The following BCAT1 variants were observed in gnomAD, a reference collection of about 807,000 sequenced individuals.
BCAT1 encodes the protein branched-chain-amino-acid aminotransferase, cytosolic.
BCAT1 carries 48 observed loss-of-function variants against 52.4 expected under a neutral mutation model. The ratio of observed to expected loss-of-function variants is 0.92; its 90% confidence interval spans 0.73 to 1.16. The LOEUF is 1.16. Ranked by LOEUF, BCAT1 falls within the 50% of genes most tolerant of loss-of-function variation. The probability of loss-of-function intolerance (pLI) is 0.00; values close to 1 mark genes in which losing one functional copy is unlikely to be tolerated. For synonymous variants in BCAT1, 167 were observed against 161.3 expected (o/e 1.04, Z -0.27); for missense variants, 451 against 457.1 (o/e 0.99, Z 0.12).
At chr12:24,818,273 T>TA (rs1465582974) in intron 10 of BCAT1, among the ~76,000 whole-genome samples, 1 of 152,174 alleles carries the variant, frequency 6.6e-6, no homozygotes, top group African/African-American at 2.4e-5. Flanking sequence ...GGGAGTTTTT[T>TA]AAAAACCAAA....
At chr12:24,856,628 C>T (rs115246169) in intron 5 of BCAT1, among the ~76,000 whole-genome samples, 2,033 of 152,016 alleles carry the variant, frequency 0.013, 37 homozygotes, top group African/African-American at 0.045. Flanking sequence ...CAGGAGAGCT[C>T]TTACCAGAAA....
chr12:24,938,948 C>G (rs1943809713), intron 1 of BCAT1, among the ~76,000 whole-genome samples: 1 of 152,130 alleles, frequency 6.6e-6, no homozygotes, highest in African/African-American at 2.4e-5. Flanking sequence ...AATCTCAGCT[C>G]ACTGTAGCCT....
At chr12:24,870,938 G>A (rs572718368) in intron 5 of BCAT1, among the ~76,000 whole-genome samples, 9 of 152,142 alleles carry the variant, frequency 5.9e-5, no homozygotes, top group East Asian at 1.9e-4. Context: ...CAGGAGAATC[G>A]CTTGAATTTG....
At chr12:24,824,020 A>G (rs1397753023) in intron 10 of BCAT1, among the ~76,000 whole-genome samples, 3 of 152,136 alleles carry the variant, frequency 2.0e-5, no homozygotes, top group African/African-American at 7.2e-5. Context: ...GTTTGAATGC[A>G]CATATTTTGT....
chr12:24,931,984 A>G (rs995016697), intron 1 of BCAT1, among the ~76,000 whole-genome samples: 1 of 152,220 alleles, frequency 6.6e-6, no homozygotes, highest in Non-Finnish European at 1.5e-5. Flanking sequence ...GAGACAAAAA[A>G]GAAAATGAAC....
intron 6 of BCAT1, among the ~76,000 whole-genome samples, chr12:24,845,351 A>G (rs909102587): frequency 1.3e-5 from 2 of 152,348 alleles, no homozygotes; most frequent in African/African-American, 4.8e-5. Context: ...TTAAAAAAAC[A>G]ATAAAATAAA....
rs750274600 is a variant in BCAT1, at chr12:24,834,626, T to A, written c.904-1763A>T. ...TGGCAATATTCAAAATATTTGAATATTTAAAAGAAGAACTCATGCTGTAAG... is the reference window on the plus strand; with the variant it reads ...TGGCAATATTCAAAATATTTGAATAATTAAAAGAAGAACTCATGCTGTAAG... On this transcript the variant is annotated intron_variant, in intron 8 of 10. Coordinates refer to ENST00000261192, the MANE Select transcript of BCAT1 (RefSeq NM_005504.7). 3.0e-6 allele frequency: 3 copies of A among 983,738 alleles called. No individual in the cohort carries two copies. The Admixed American group carries it at 1.8e-4, about 60-fold the overall frequency. 60.9% of individuals were successfully genotyped at this position (983,738 alleles called of 1,614,324 possible).
rs116371093 is a variant in BCAT1, at chr12:24,902,243, G to C, written c.7-358C>G. ...CAAATAGTCTAGACTGGGGTGTTAA[G>C]CCATTTATAGAAAAATCTCCAGGGC... On this transcript the variant is annotated intron_variant, in intron 1 of 10. Transcript: ENST00000261192. The C allele has an allele frequency of 2.1e-3, 2,843 of 1,345,620 alleles. 61 individuals carry two copies. In the African/African-American group the frequency reaches 0.038, roughly 18 times the overall value. 83.4% of individuals were successfully genotyped at this position (1,345,620 alleles called of 1,614,324 possible). A position where few individuals can be genotyped will look rare whatever the true frequency, so the allele number is the denominator to read the frequency against.
chr12:24,846,368 T>A (rs933212160), intron 6 of BCAT1, among the ~76,000 whole-genome samples: 23 of 152,178 alleles, frequency 1.5e-4, no homozygotes, highest in East Asian at 7.7e-4. Context: ...GATACCATGG[T>A]AATATAGTTG....
intron 10 of BCAT1, among the ~76,000 whole-genome samples, chr12:24,823,595 C>T (rs1226052371): frequency 6.6e-6 from 1 of 152,144 alleles, no homozygotes; most frequent in Non-Finnish European, 1.5e-5. Context: ...CAGGTAATTG[C>T]ATCATGGGAG....
rs1272480327 is a variant in BCAT1 at position 24,816,407 on chromosome 12, T to C, written c.*1601A>G. The C allele has an allele frequency of 2.5e-6, 1 of 397,256 alleles. No homozygotes were observed. The highest frequency in any genetic ancestry group is 2.1e-5 in the African/African-American group (1 of 48,508). 24.6% of individuals were successfully genotyped at this position (397,256 alleles called of 1,614,324 possible). On this transcript the variant is annotated 3_prime_UTR_variant, in exon 11 of 11. Transcript: ENST00000261192. ...AAGGAAAAATGTTTTCTGTCAAGAT[T>C]TGACTTTCCTTAGATAAACCACAAA...
chr12:24,921,223 C>A (rs1431090964), intron 1 of BCAT1, among the ~76,000 whole-genome samples: 1 of 152,200 alleles, frequency 6.6e-6, no homozygotes, highest in East Asian at 1.9e-4. Context: ...TATCAGTCAA[C>A]ACTAATATAC....
intron 1 of BCAT1, chr12:24,902,941 AG>A (rs1315924492): frequency 6.6e-7 from 1 of 1,508,912 alleles, no homozygotes; most frequent in East Asian, 2.8e-5. Flanking sequence ...CCCGGGTTCG[AG>A]GTACCTGGCG....
At chr12:24,861,609 ACAG>A (rs1565469027) in intron 5 of BCAT1, among the ~76,000 whole-genome samples, 1 of 152,232 alleles carries the variant, frequency 6.6e-6, no homozygotes, top group Non-Finnish European at 1.5e-5. Flanking sequence ...AGAAGAAGCT[ACAG>A]AAGATGGATC....
rs116266312 is a variant in BCAT1 at position 24,866,410 on chromosome 12, G to A, written c.510+12120C>T. Among the ~76,000 whole-genome samples the A allele has an allele frequency of 7.4e-3, 1,128 of 152,346 alleles. 9 individuals carry two copies. The highest frequency in any genetic ancestry group is 0.026 in the African/African-American group (1,092 of 41,588). ...ACCGCTGTGGGATCCTGTGCGGCCT[G>A]AGTCTCCCTGACGAGTGCCACCCCC... On this transcript the variant is annotated intron_variant, in intron 5 of 10. Transcript: ENST00000261192.
intron 10 of BCAT1, among the ~76,000 whole-genome samples, chr12:24,818,544 T>A (rs990006133): frequency 5.3e-5 from 8 of 152,138 alleles, no homozygotes; most frequent in Admixed American, 1.3e-4. Flanking sequence ...TGGGGATGGG[T>A]TCCAGCAACC....
intron 7 of BCAT1, among the ~76,000 whole-genome samples, chr12:24,836,912 A>AAGAAAG (rs1940973000): frequency 9.9e-5 from 2 of 20,244 alleles, no homozygotes; most frequent in African/African-American, 2.2e-4. Context: ...GAAAGAGAGA[A>AAGAAAG]AGAAAGAAAG....
At chr12:24,828,079 G>C (rs1271791011) in intron 10 of BCAT1, among the ~76,000 whole-genome samples, 1 of 152,032 alleles carries the variant, frequency 6.6e-6, no homozygotes, top group Non-Finnish European at 1.5e-5. Context: ...CACTACCCAA[G>C]GACCTCCATT....
chr12:24,906,734 A>G (rs1293917511), intron 1 of BCAT1, among the ~76,000 whole-genome samples: 2 of 152,164 alleles, frequency 1.3e-5, no homozygotes, highest in African/African-American at 2.4e-5. Context: ...CTCCTGCTCT[A>G]TGTAGTTGCT....
Sources: gnomAD v4.1 joint callset for allele counts (sites outside exome capture counted in the v4.1 genomes callset) on GRCh38, gnomAD v4.1.1 for gene constraint, MANE v1.5 for transcripts, NCBI Gene and HGNC (gene_info 2026-07-23, HGNC 2026-07-21) for gene names.